The following TMEM182 variants were observed in gnomAD, a reference collection of about 807,000 sequenced individuals.
The protein encoded by TMEM182 is transmembrane protein 182.
In TMEM182, 20 loss-of-function variants were observed where a neutral mutation model predicts 26.8. The ratio of observed to expected loss-of-function variants is 0.75; its 90% CI spans 0.53 to 1.09. TMEM182 has a LOEUF of 1.09. Ranked by LOEUF, TMEM182 falls within the 50% of genes least tolerant of loss-of-function variation. TMEM182 has a pLI of 0.00. For synonymous variants in TMEM182, 109 were observed against 102.2 expected (o/e 1.07, Z -0.40); for missense variants, 277 against 275.5 (o/e 1.01, Z -0.04).
intron 3 of TMEM182, among the ~76,000 whole-genome samples, chr2:102,767,561 G>T (rs1012030236): frequency 2.0e-5 from 3 of 152,042 alleles, no homozygotes; most frequent in Non-Finnish European, 4.4e-5. Flanking sequence ...TGTCCCCATA[G>T]CCTTTGATGA....
chr2:102,812,296 C>A, intron 4 of TMEM182, among the ~76,000 whole-genome samples: 1 of 151,802 alleles, frequency 6.6e-6, no homozygotes, highest in East Asian at 1.9e-4. Context: ...ATGATTAATT[C>A]TTGCTTCCAT....
At position 102,741,564 on chromosome 2, in the gene TMEM182, C is replaced by T. The variant is rs143227737; in HGVS notation, c.-83+4551C>T. 1.9e-4 allele frequency among the ~76,000 whole-genome samples: 29 copies of T among 152,140 alleles called. 1 individual carries two copies. The East Asian group carries it at 3.5e-3, about 18-fold the overall frequency. On this transcript the variant is annotated intron_variant, in intron 1 of 5. Transcript: ENST00000409173. Reference sequence around the variant, plus strand: ...CTTGGAAAAGGGAAACTTGGTAACTCGAGTCTCCTCTATCTTTGTTTCATA... The same window carrying T: ...CTTGGAAAAGGGAAACTTGGTAACTTGAGTCTCCTCTATCTTTGTTTCATA...
chr2:102,836,219 G>A (rs1222194135), intron 3 of TMEM182, among the ~76,000 whole-genome samples: 1 of 152,156 alleles, frequency 6.6e-6, no homozygotes, highest in Non-Finnish European at 1.5e-5. Flanking sequence ...TTTTTGTGGG[G>A]ACACAAATTT....
chr2:102,804,018 G>T (rs890349423), intron 4 of TMEM182, among the ~76,000 whole-genome samples: 2 of 152,256 alleles, frequency 1.3e-5, no homozygotes, highest in African/African-American at 4.8e-5. Flanking sequence ...TCCTGTGAGA[G>T]ATCTGGGCTA....
intron 3 of TMEM182, among the ~76,000 whole-genome samples, chr2:102,832,832 A>T (rs1272389238): frequency 6.6e-6 from 1 of 152,208 alleles, no homozygotes; most frequent in African/African-American, 2.4e-5. Flanking sequence ...ATTATAATTT[A>T]TACAATGTGG....
rs1450827300 is a variant in TMEM182, at chr2:102,817,318, C to T, written c.*2350C>T. On this transcript the variant is annotated 3_prime_UTR_variant, in exon 5 of 5. Coordinates refer to ENST00000412401, the MANE Select transcript of TMEM182 (RefSeq NM_144632.5). ...ATCTTTTTGAAAAATGTTGATTTTG[C>T]ATCATAAAGTTTCAATTTATCAAGG... is the stretch of plus-strand genomic sequence containing the variant. 2 of 985,188 alleles carry T rather than the reference C, an allele frequency of 2.0e-6. No homozygotes were observed. Among genetic ancestry groups the T allele is most frequent in the African/African-American group, 3.5e-5 (2 of 57,216 alleles). 61.0% of individuals were successfully genotyped at this position (985,188 alleles called of 1,614,324 possible). A position where few individuals can be genotyped will look rare whatever the true frequency, so the allele number is the denominator to read the frequency against.
chr2:102,748,045 A>G (rs150538618), intron 1 of TMEM182, among the ~76,000 whole-genome samples: 1 of 152,292 alleles, frequency 6.6e-6, no homozygotes, highest in African/African-American at 2.4e-5. Context: ...TTAGAGGCCC[A>G]TGCCCCTTCC....
chr2:102,791,595 G>T (rs111633875), intron 3 of TMEM182, among the ~76,000 whole-genome samples: 2 of 152,302 alleles, frequency 1.3e-5, no homozygotes, highest in African/African-American at 4.8e-5. Flanking sequence ...AAAATCAACA[G>T]AACTTACTCT....
chr2:102,744,973 G>C (rs928143241), intron 1 of TMEM182, among the ~76,000 whole-genome samples: 1 of 151,994 alleles, frequency 6.6e-6, no homozygotes, highest in Non-Finnish European at 1.5e-5. Flanking sequence ...AGTATTCTCA[G>C]CCATTGTATC....
At chr2:102,762,493 G>A (rs982020006) in intron 1 of TMEM182, 94 bp from the exon 2 acceptor site, 49 of 1,530,508 alleles carry the variant, frequency 3.2e-5, no homozygotes, top group Non-Finnish European at 4.3e-5. Flanking sequence ...CATTATTTGG[G>A]ATAAAATACA....
At position 102,762,348 on chromosome 2, in the gene TMEM182, A is replaced by C. The variant is rs572090385; in HGVS notation, c.131A>C (p.Asn44Thr). The change falls in exon 1 of 5, where the codon AAT (asparagine) becomes ACT (threonine). Residue 44 changes from asparagine (N) to threonine (T), a missense_variant and splice_region_variant. Asn to Thr is a moderately conservative substitution (Grantham distance 65). Coordinates refer to ENST00000412401, the MANE Select transcript of TMEM182 (RefSeq NM_144632.5). ...GTGGGGAGATGTTCAGGTGAAAAGA[A>C]TGTGAGTCTCTTCTTCAAAATAGTG... ...TEVGRCSGEK[N>T]IENVTFHHEG... 1 of 1,613,868 alleles carries C rather than the reference A, an allele frequency of 6.2e-7. No homozygotes were observed. The highest frequency in any genetic ancestry group is 1.7e-5 in the Admixed American group (1 of 59,970).
chr2:102,834,512 G>C, intron 3 of TMEM182: 3 of 854,154 alleles, frequency 3.5e-6, no homozygotes, highest in Non-Finnish European at 4.2e-6. Context: ...CATTTCAACA[G>C]ATATAGGTGA....
intron 1 of TMEM182, among the ~76,000 whole-genome samples, chr2:102,748,508 T>A (rs975431607): frequency 6.6e-6 from 1 of 152,224 alleles, no homozygotes; most frequent in Non-Finnish European, 1.5e-5. Flanking sequence ...ATGTGGTGGG[T>A]CCTATGCTGG....
chr2:102,805,628 G>A (rs1682316040), intron 4 of TMEM182, among the ~76,000 whole-genome samples: 1 of 151,848 alleles, frequency 6.6e-6, no homozygotes, highest in African/African-American at 2.4e-5. Context: ...AAAATGTGCT[G>A]TTCTTCTAAG....
chr2:102,769,972 T>C (rs901282696), intron 3 of TMEM182, among the ~76,000 whole-genome samples: 2 of 152,220 alleles, frequency 1.3e-5, no homozygotes, highest in African/African-American at 4.8e-5. Context: ...AGTAGCTTGA[T>C]ATGCAAAACT....
At chr2:102,748,082 T>C (rs906643326) in intron 1 of TMEM182, among the ~76,000 whole-genome samples, 1 of 152,218 alleles carries the variant, frequency 6.6e-6, no homozygotes, top group African/African-American at 2.4e-5. Context: ...ATCTTCAAGG[T>C]TGCCTTCAGA....
chr2:102,824,416 G>A (rs1232448487), intron 3 of TMEM182, among the ~76,000 whole-genome samples: 1 of 152,148 alleles, frequency 6.6e-6, no homozygotes. Context: ...TTTGGACCAT[G>A]GGAGTGGACT....
intron 3 of TMEM182, among the ~76,000 whole-genome samples, chr2:102,789,167 T>C (rs1010192391): frequency 4.6e-5 from 7 of 152,006 alleles, no homozygotes; most frequent in Admixed American, 1.3e-4. Flanking sequence ...CACTTCACAC[T>C]GCGTGTGCTT....
intron 3 of TMEM182, among the ~76,000 whole-genome samples, chr2:102,828,362 G>T (rs1454917378): frequency 6.6e-6 from 1 of 152,138 alleles, no homozygotes; most frequent in African/African-American, 2.4e-5. Context: ...TCTACTCAGG[G>T]CTGATATGTG....
Sources: gnomAD v4.1 joint callset for allele counts (sites outside exome capture counted in the v4.1 genomes callset) on GRCh38, gnomAD v4.1.1 for gene constraint, MANE v1.5 for transcripts, NCBI Gene and HGNC (gene_info 2026-07-23, HGNC 2026-07-21) for gene names.